Variants in CPED1 observed in about 807,000 individuals in gnomAD.
The protein encoded by CPED1 is cadherin-like and PC-esterase domain-containing protein 1.
A neutral mutation model predicts 128.2 loss-of-function variants in CPED1; 114 were observed. That is an observed-to-expected ratio of 0.89 (90% confidence interval 0.76 to 1.04). The LOEUF (loss-of-function observed/expected upper bound fraction) is 1.04, where lower values mean the gene tolerates loss of function less well. Ranked by LOEUF, CPED1 falls within the 50% of genes least tolerant of loss-of-function variation. The pLI, the probability that CPED1 is intolerant of heterozygous loss-of-function variation, is 0.00. For missense variants in CPED1, 1,211 were observed against 1,207.1 expected (o/e 1.00, Z -0.05); for synonymous variants, 462 against 426.7 (o/e 1.08, Z -1.02).
intron 22 of CPED1, among the ~76,000 whole-genome samples, chr7:121,293,601 C>T (rs1673263814): frequency 6.6e-6 from 1 of 152,136 alleles, no homozygotes; most frequent in Non-Finnish European, 1.5e-5. Flanking sequence ...AAATGGCTGC[C>T]CCATTTTGTG....
intron 16 of CPED1, among the ~76,000 whole-genome samples, chr7:121,186,450 AAAGC>A (rs1797005138): frequency 6.6e-6 from 1 of 152,116 alleles, no homozygotes; most frequent in African/African-American, 2.4e-5. Context: ...CATCTATGAA[AAAGC>A]TGTCCTTGGG....
At chr7:121,152,251 C>G (rs1563047192) in intron 16 of CPED1, among the ~76,000 whole-genome samples, 1 of 152,072 alleles carries the variant, frequency 6.6e-6, no homozygotes, top group Non-Finnish European at 1.5e-5. Flanking sequence ...CCCAGCTCCC[C>G]ACCCCTCCAC....
intron 16 of CPED1, among the ~76,000 whole-genome samples, chr7:121,171,942 T>C (rs1385244971): frequency 6.6e-6 from 1 of 152,258 alleles, no homozygotes; most frequent in African/African-American, 2.4e-5. Flanking sequence ...CAGAAAGTCT[T>C]GGTTTGAATT....
rs1009738100 is a variant in CPED1 at position 121,268,645 on chromosome 7, T to C, written c.2721+1343T>C. On this transcript the variant is annotated intron_variant, in intron 21 of 22. Transcript: ENST00000310396. ...ACCAGTGCATGTGCACACAAGTGTGTGCACACACACACACACATTCACACT... is the reference window on the plus strand; with the variant it reads ...ACCAGTGCATGTGCACACAAGTGTGCGCACACACACACACACATTCACACT... Among the ~76,000 whole-genome samples, 12 of 104,444 alleles carry C rather than the reference T, an allele frequency of 1.1e-4. No homozygotes were observed. The East Asian group carries it at 1.4e-3, about 12-fold the overall frequency. The allele number at this position is 104,444 out of a possible 152,430, so 68.5% of individuals were successfully genotyped here.
chr7:121,200,288 G>T (rs1389189271), intron 16 of CPED1, among the ~76,000 whole-genome samples: 1 of 152,046 alleles, frequency 6.6e-6, no homozygotes, highest in Non-Finnish European at 1.5e-5. Context: ...AAAATTCTGG[G>T]TTAAAGAAAT....
At chr7:121,133,536 C>T (rs1222199399) in intron 12 of CPED1, among the ~76,000 whole-genome samples, 2 of 152,012 alleles carry the variant, frequency 1.3e-5, no homozygotes, top group African/African-American at 4.8e-5. Flanking sequence ...ATTCTTGAAT[C>T]ACTTCTATTG....
At position 121,097,900 on chromosome 7, in the gene CPED1, CAG is replaced by C. The variant is rs1794740254; in HGVS notation, c.749+71_749+72del. On this transcript the variant is annotated intron_variant, in intron 6 of 22. Coordinates refer to ENST00000310396, the MANE Select transcript of CPED1 (RefSeq NM_024913.5). ...GGAGACAGCTAACAAGAGAAAAGCA[CAG>C]AACAGATATGGGGGGTTCACATGTG... 2.1e-5 allele frequency: 32 copies of C among 1,536,638 alleles called. 1 individual carries two copies. The African/African-American group carries it at 2.7e-4, about 13-fold the overall frequency.
At chr7:121,100,234 G>T in intron 7 of CPED1, 140 bp downstream of exon 7, 2 of 748,542 alleles carry the variant, frequency 2.7e-6, no homozygotes, top group Non-Finnish European at 4.2e-6. Context: ...CGCAAGAAAA[G>T]ATTTTCACTT....
At chr7:121,145,153 AAATT>A (rs1795995831) in intron 16 of CPED1, among the ~76,000 whole-genome samples, 1 of 151,956 alleles carries the variant, frequency 6.6e-6, no homozygotes, top group Non-Finnish European at 1.5e-5. Context: ...ATATATATAT[AAATT>A]ATGTATACTG....
At chr7:121,034,902 G>A (rs1349380054) in intron 3 of CPED1, among the ~76,000 whole-genome samples, 1 of 152,128 alleles carries the variant, frequency 6.6e-6, no homozygotes, top group Admixed American at 6.6e-5. Context: ...GCAGTCTGAA[G>A]GGCAGAAATA....
intron 16 of CPED1, among the ~76,000 whole-genome samples, chr7:121,221,849 G>A (rs1797886554): frequency 6.6e-6 from 1 of 152,152 alleles, no homozygotes; most frequent in African/African-American, 2.4e-5. Context: ...GTAGATTCTG[G>A]ATATTAGCCC....
At chr7:121,085,176 G>A (rs1161561057) in intron 5 of CPED1, among the ~76,000 whole-genome samples, 7 of 152,176 alleles carry the variant, frequency 4.6e-5, no homozygotes, top group African/African-American at 1.7e-4. Context: ...TGGGCTCCAT[G>A]TGGCATCGGT....
chr7:121,063,302 A>G (rs1408072329), intron 4 of CPED1, among the ~76,000 whole-genome samples: 6 of 139,466 alleles, frequency 4.3e-5, no homozygotes, highest in Non-Finnish European at 6.1e-5. Flanking sequence ...TATCTTATTG[A>G]TTTGGTAAAA....
intron 3 of CPED1, among the ~76,000 whole-genome samples, chr7:121,034,673 C>T (rs1392201368): frequency 6.6e-6 from 1 of 152,086 alleles, no homozygotes; most frequent in Non-Finnish European, 1.5e-5. Flanking sequence ...AAAGGTAAGA[C>T]CTTTCAAAGA....
chr7:121,279,014 C>G (rs1199046075), intron 22 of CPED1, among the ~76,000 whole-genome samples: 1 of 152,066 alleles, frequency 6.6e-6, no homozygotes, highest in Non-Finnish European at 1.5e-5. Flanking sequence ...CCTTTAAGAA[C>G]CAAGCTAAGC....
chr7:121,033,049 T>C lies in CPED1; in HGVS notation c.434-13838T>C, dbSNP rs80036936. Among the ~76,000 whole-genome samples, 1,498 of 152,264 alleles carry C rather than the reference T, an allele frequency of 9.8e-3. 36 individuals carry two copies. Among genetic ancestry groups the C allele is most frequent in the African/African-American group, 0.034 (1,421 of 41,546 alleles). On this transcript the variant is annotated intron_variant, in intron 3 of 22. Coordinates refer to ENST00000310396, the MANE Select transcript of CPED1 (RefSeq NM_024913.5). The stretch of plus-strand genomic sequence containing the variant: ...ACTCATGAAAATGTACCTTCCTCCA[T>C]CATATTTCAGGGCTCAAGATGTCAC...
chr7:121,192,214 A>T (rs755677346), intron 16 of CPED1, among the ~76,000 whole-genome samples: 4 of 152,052 alleles, frequency 2.6e-5, no homozygotes, highest in Non-Finnish European at 5.9e-5. Flanking sequence ...CCTACAAGTC[A>T]TGTATGCATA....
chr7:121,210,832 AATG>A (rs1195096501), intron 16 of CPED1, among the ~76,000 whole-genome samples: 1 of 152,018 alleles, frequency 6.6e-6, no homozygotes, highest in Non-Finnish European at 1.5e-5. Flanking sequence ...AACACAAAGA[AATG>A]ATGAGTACTC....
chr7:121,212,475 G>A (rs1472232744), intron 16 of CPED1, among the ~76,000 whole-genome samples: 1 of 151,960 alleles, frequency 6.6e-6, no homozygotes, highest in African/African-American at 2.4e-5. Flanking sequence ...TATCCTCCTG[G>A]TGAACTTCAA....
Sources: gnomAD v4.1 joint callset for allele counts (sites outside exome capture counted in the v4.1 genomes callset) on GRCh38, gnomAD v4.1.1 for gene constraint, MANE v1.5 for transcripts, NCBI Gene and HGNC (gene_info 2026-07-23, HGNC 2026-07-21) for gene names.